Variants in NSUN7 observed in about 807,000 individuals in gnomAD.
NSUN7 encodes the protein NOP2/Sun RNA methyltransferase family member 7.
In NSUN7, 39 loss-of-function variants were observed where a neutral mutation model predicts 58.5. That is an observed-to-expected ratio of 0.67 (90% confidence interval 0.52 to 0.87). NSUN7 has a LOEUF of 0.87. Among genes scored for constraint, NSUN7 ranks in the 40% least tolerant of loss-of-function variants. The probability of loss-of-function intolerance (pLI) is 0.00; values close to 1 mark genes in which losing one functional copy is unlikely to be tolerated. For missense variants in NSUN7, 765 were observed against 844.1 expected, an observed-to-expected ratio of 0.91 and a Z score of 1.16; for synonymous variants, 278 against 303.7, an observed-to-expected ratio of 0.92 and a Z score of 0.88.
chr4:40,792,300 GA>G (rs942370700), intron 8 of NSUN7, among the ~76,000 whole-genome samples: 5 of 151,398 alleles, frequency 3.3e-5, no homozygotes, highest in Admixed American at 1.3e-4. Flanking sequence ...TGGAAATCCA[GA>G]AAAAAAATAA....
intron 5 of NSUN7, 31 bp from the exon 6 acceptor site, chr4:40,774,736 G>A: frequency 7.5e-7 from 1 of 1,325,864 alleles, no homozygotes; most frequent in Non-Finnish European, 1.0e-6. Context: ...TATTATATTT[G>A]TAATTACAAG....
At chr4:40,764,041 CTTCT>C (rs1344963272) in intron 4 of NSUN7, among the ~76,000 whole-genome samples, 2 of 151,396 alleles carry the variant, frequency 1.3e-5, no homozygotes, top group Admixed American at 6.6e-5. Context: ...TTACTCGAGT[CTTCT>C]TTGTTTTTTT....
intron 8 of NSUN7, among the ~76,000 whole-genome samples, chr4:40,793,606 T>C (rs555123794): frequency 2.0e-5 from 3 of 152,348 alleles, no homozygotes; most frequent in Admixed American, 2.0e-4. Context: ...CATGCTCTAG[T>C]GAGTTCTAGA....
At chr4:40,806,759 C>G (rs1743821096) in intron 10 of NSUN7, among the ~76,000 whole-genome samples, 1 of 152,138 alleles carries the variant, frequency 6.6e-6, no homozygotes, top group African/African-American at 2.4e-5. Flanking sequence ...AAAGCTTTTA[C>G]TGCCATATTA....
intron 9 of NSUN7, among the ~76,000 whole-genome samples, chr4:40,795,572 A>G (rs1205939593): frequency 6.6e-6 from 1 of 152,222 alleles, no homozygotes; most frequent in Non-Finnish European, 1.5e-5. Flanking sequence ...TTATGATGCC[A>G]AATAAACATA....
At chr4:40,770,191 C>T (rs1276081498) in intron 4 of NSUN7, among the ~76,000 whole-genome samples, 1 of 109,176 alleles carries the variant, frequency 9.2e-6, no homozygotes, top group Non-Finnish European at 1.8e-5. Flanking sequence ...GCCTAGATAA[C>T]AAGAGGGAAA....
intron 4 of NSUN7, among the ~76,000 whole-genome samples, chr4:40,762,949 T>C (rs781670515): frequency 6.6e-6 from 1 of 152,170 alleles, no homozygotes; most frequent in African/African-American, 2.4e-5. Context: ...GTGGAACAGT[T>C]TCATCCTGAA....
chr4:40,784,703 A>T (rs1179992608), intron 7 of NSUN7, among the ~76,000 whole-genome samples: 2 of 152,194 alleles, frequency 1.3e-5, no homozygotes, highest in East Asian at 3.8e-4. Flanking sequence ...AGAATTGGTA[A>T]TAGTGATGGT....
At chr4:40,792,522 A>T (rs12502760) in intron 8 of NSUN7, among the ~76,000 whole-genome samples, 1 of 151,826 alleles carries the variant, frequency 6.6e-6, no homozygotes, top group Non-Finnish European at 1.5e-5. Flanking sequence ...GAGGCCGAGG[A>T]GGGCGGATCA....
intron 4 of NSUN7, among the ~76,000 whole-genome samples, chr4:40,761,779 G>C (rs895816759): frequency 6.6e-6 from 1 of 152,170 alleles, no homozygotes; most frequent in African/African-American, 2.4e-5. Context: ...CTAAATATCA[G>C]TAGAAGTCTA....
intron 4 of NSUN7, among the ~76,000 whole-genome samples, chr4:40,771,971 A>G (rs1429211354): frequency 6.6e-6 from 1 of 151,890 alleles, no homozygotes. Flanking sequence ...TAGTAACCAC[A>G]AGATAGCATA....
chr4:40,808,145 C>A, intron 11 of NSUN7, 162 bp from the exon 12 acceptor site: 1 of 640,560 alleles, frequency 1.6e-6, no homozygotes, highest in Non-Finnish European at 2.4e-6. Flanking sequence ...AAGGCATTCG[C>A]TGAGGCTTAT....
At chr4:40,807,767 C>T (rs1743872491) in intron 11 of NSUN7, among the ~76,000 whole-genome samples, 1 of 151,968 alleles carries the variant, frequency 6.6e-6, no homozygotes, top group Non-Finnish European at 1.5e-5. Context: ...AGCAGCCAGG[C>T]ATGGGGGCTC....
At chr4:40,790,861 C>T (rs1743047168) in intron 8 of NSUN7, 116 bp downstream of exon 8, 1 of 773,170 alleles carries the variant, frequency 1.3e-6, no homozygotes, top group South Asian at 2.0e-5. Flanking sequence ...ATAGCAACCA[C>T]ATATAAAGTA....
At chr4:40,754,999 G>T (rs1741069041) in intron 2 of NSUN7, among the ~76,000 whole-genome samples, 1 of 152,116 alleles carries the variant, frequency 6.6e-6, no homozygotes, top group Non-Finnish European at 1.5e-5. Flanking sequence ...TAACCCCAAG[G>T]TCAATTTTCT....
rs569958134 is a variant in NSUN7, at chr4:40,810,933, A to G, written c.*1994A>G. On this transcript the variant is annotated 3_prime_UTR_variant, in exon 12 of 12. Coordinates refer to ENST00000381782, the MANE Select transcript of NSUN7 (RefSeq NM_024677.6). Reference sequence around the variant, plus strand: ...CCTTATCCTTTTCGGGCCCTCCACCATACCAGACTGAAAAGTATTCCATTG... The same window carrying G: ...CCTTATCCTTTTCGGGCCCTCCACCGTACCAGACTGAAAAGTATTCCATTG... 2.9e-4 allele frequency: 44 copies of G among 152,310 alleles called. 1 individual carries two copies. Among genetic ancestry groups the G allele is most frequent in the Admixed American group, 1.0e-3 (16 of 15,306 alleles). The allele number at this position is 152,310 out of a possible 1,614,324, so 9.4% of individuals were successfully genotyped here.
chr4:40,808,029 C>CAAAAAAAAAAA (rs397878278), intron 11 of NSUN7, among the ~76,000 whole-genome samples: 1 of 60,154 alleles, frequency 1.7e-5, no homozygotes, highest in African/African-American at 6.2e-5. Flanking sequence ...GACTCCATCT[C>CAAAAAAAAAAA]AAAAAAAAAA....
At chr4:40,787,083 A>G (rs1367716654) in intron 7 of NSUN7, among the ~76,000 whole-genome samples, 3 of 152,198 alleles carry the variant, frequency 2.0e-5, no homozygotes, top group Admixed American at 2.0e-4. Context: ...ATGGAAGAAT[A>G]TAATAAAGAT....
At position 40,751,085 on chromosome 4, in the gene NSUN7, A is replaced by G. The variant is rs143722463; in HGVS notation, c.298+94A>G. On this transcript the variant is annotated intron_variant, in intron 2 of 11. Transcript: ENST00000381782. ...CCCTCCTCCTCCCTTCCCCTCATTC[A>G]CACCAGGTTTTGGTTTTAGGCATGT... 160 of 1,427,684 alleles carry G rather than the reference A, an allele frequency of 1.1e-4. 2 individuals are homozygous for G. In the African/African-American group the frequency reaches 2.2e-3, roughly 19 times the overall value. 88.4% of individuals were successfully genotyped at this position (1,427,684 alleles called of 1,614,324 possible).
Sources: gnomAD v4.1 joint callset for allele counts (sites outside exome capture counted in the v4.1 genomes callset) on GRCh38, gnomAD v4.1.1 for gene constraint, MANE v1.5 for transcripts, NCBI Gene and HGNC (gene_info 2026-07-23, HGNC 2026-07-21) for gene names.